HECW1: variants seen among roughly 807,000 people sequenced by gnomAD.
HECW1 encodes HECT, C2 and WW domain containing E3 ubiquitin protein ligase 1.
Under a neutral mutation model 182.3 loss-of-function variants are expected in HECW1, and 61 were observed. The observed-to-expected ratio is 0.33, with a 90% CI of 0.27 to 0.41. The LOEUF (loss-of-function observed/expected upper bound fraction) is 0.41, where lower values mean the gene tolerates loss of function less well. Among genes scored for constraint, HECW1 ranks in the 10% least tolerant of loss-of-function variants. HECW1 has a pLI of 1.00. For synonymous variants in HECW1, 859 were observed against 832.6 expected, an observed-to-expected ratio of 1.03 and a Z score of -0.55; for missense variants, 1,739 against 2,108.9, an observed-to-expected ratio of 0.82 and a Z score of 3.44.
intron 5 of HECW1, among the ~76,000 whole-genome samples, chr7:43,349,918 G>A (rs1185531216): frequency 1.3e-5 from 2 of 152,012 alleles, no homozygotes; most frequent in African/African-American, 2.4e-5. Context: ...CTTTGTTTTT[G>A]TTTTTATGCT....
At position 43,388,361 on chromosome 7, in the gene HECW1, C is replaced by T. The variant is rs76083147; in HGVS notation, c.556-8453C>T. Reference sequence around the variant, plus strand: ...AGGACAAGAACTGCAAATTCAAAAGCTTCCAGGGAGCCAGGTCATTATCAC... The same window carrying T: ...AGGACAAGAACTGCAAATTCAAAAGTTTCCAGGGAGCCAGGTCATTATCAC... On this transcript the variant is annotated intron_variant, in intron 6 of 29. Coordinates refer to ENST00000395891, the MANE Select transcript of HECW1 (RefSeq NM_015052.5). 2.6e-4 allele frequency among the ~76,000 whole-genome samples: 39 copies of T among 152,354 alleles called. No individual in the cohort carries two copies. The East Asian group carries it at 7.1e-3, about 28-fold the overall frequency.
At chr7:43,257,847 T>A (rs1211383950) in intron 3 of HECW1, among the ~76,000 whole-genome samples, 2 of 151,928 alleles carry the variant, frequency 1.3e-5, no homozygotes, top group African/African-American at 4.8e-5. Context: ...CAATTAGAAA[T>A]AAGAAGAAGA....
At chr7:43,404,003 A>G (rs1365411409) in intron 7 of HECW1, among the ~76,000 whole-genome samples, 1 of 152,196 alleles carries the variant, frequency 6.6e-6, no homozygotes, top group East Asian at 1.9e-4. Flanking sequence ...CTTTTGGAAA[A>G]TTCTAGAACT....
chr7:43,360,626 G>A (rs1815747918), intron 5 of HECW1, among the ~76,000 whole-genome samples: 1 of 152,124 alleles, frequency 6.6e-6, no homozygotes, highest in Admixed American at 6.5e-5. Context: ...CCTCTAATGG[G>A]GTAGGATGGA....
chr7:43,452,941 GA>G (rs2077282218), intron 12 of HECW1, among the ~76,000 whole-genome samples: 1 of 152,222 alleles, frequency 6.6e-6, no homozygotes, highest in African/African-American at 2.4e-5. Flanking sequence ...AGGAACAGGA[GA>G]CCAGTGCATC....
At chr7:43,345,826 A>T (rs1172861836) in intron 5 of HECW1, among the ~76,000 whole-genome samples, 4 of 134,322 alleles carry the variant, frequency 3.0e-5, no homozygotes, top group South Asian at 2.3e-4. Flanking sequence ...ACACACACAC[A>T]CATCATATAT....
At chr7:43,461,019 G>A (rs2152892498) in intron 13 of HECW1, among the ~76,000 whole-genome samples, 1 of 152,356 alleles carries the variant, frequency 6.6e-6, no homozygotes, top group Non-Finnish European at 1.5e-5. Context: ...GGAAGGAAAG[G>A]AGAGGCTACA....
At chr7:43,248,165 G>A (rs569335738) in intron 3 of HECW1, among the ~76,000 whole-genome samples, 3 of 151,996 alleles carry the variant, frequency 2.0e-5, no homozygotes, top group Non-Finnish European at 2.9e-5. Context: ...AGAGAGAGGA[G>A]CCCAGAGAGG....
intron 6 of HECW1, among the ~76,000 whole-genome samples, chr7:43,374,554 C>CTAAAAAAAA (rs1196421692): frequency 9.6e-5 from 5 of 51,878 alleles, no homozygotes; most frequent in Admixed American, 1.6e-4. Context: ...GCGGGCGGAT[C>CTAAAAAAAA]ACGAGGTCAG....
chr7:43,310,039 T>C (rs1808302734), intron 3 of HECW1, among the ~76,000 whole-genome samples: 1 of 152,238 alleles, frequency 6.6e-6, no homozygotes, highest in Admixed American at 6.5e-5. Flanking sequence ...GACCCACAGC[T>C]GGGAAGCTGG....
chr7:43,493,221 C>T, intron 19 of HECW1, 41 bp downstream of exon 19: 1 of 1,382,498 alleles, frequency 7.2e-7, no homozygotes, highest in Non-Finnish European at 1.0e-6. Context: ...TAGGTCTTTC[C>T]AGCCATTTTT....
Position 43,450,948 on chromosome 7 carries a change from A to C in HECW1, c.2500+19A>C. Reference sequence around the variant, plus strand: ...CCACCAAGTAAGCTTTAGTTTTTAAAATCTGTGTCTTAACTCTTCCTATCA... The same window carrying C: ...CCACCAAGTAAGCTTTAGTTTTTAACATCTGTGTCTTAACTCTTCCTATCA... On this transcript the variant is annotated intron_variant, in intron 12 of 29. Transcript: ENST00000395891. The C allele has an allele frequency of 2.0e-6, 3 of 1,509,200 alleles. No homozygotes were observed. The highest frequency in any genetic ancestry group is 2.8e-6 in the Non-Finnish European group (3 of 1,085,304). 93.5% of individuals were successfully genotyped at this position (1,509,200 alleles called of 1,614,324 possible).
chr7:43,476,265 C>T (rs2078216991), intron 16 of HECW1, among the ~76,000 whole-genome samples: 1 of 152,118 alleles, frequency 6.6e-6, no homozygotes, highest in African/African-American at 2.4e-5. Flanking sequence ...GGAAAAGATA[C>T]ACTCAGAAGA....
At chr7:43,203,478 T>A (rs897337949) in intron 2 of HECW1, among the ~76,000 whole-genome samples, 2 of 152,140 alleles carry the variant, frequency 1.3e-5, no homozygotes, top group Admixed American at 1.3e-4. Flanking sequence ...TTTTTGTTTT[T>A]TTCTTGCTTG....
intron 8 of HECW1, among the ~76,000 whole-genome samples, chr7:43,416,482 G>T (rs2076002294): frequency 6.6e-6 from 1 of 151,974 alleles, no homozygotes; most frequent in Non-Finnish European, 1.5e-5. Flanking sequence ...CTGTCTTTTT[G>T]TTTGTCTGTG....
chr7:43,166,602 T>G (rs1791148538), intron 2 of HECW1, among the ~76,000 whole-genome samples: 1 of 152,236 alleles, frequency 6.6e-6, no homozygotes, highest in East Asian at 1.9e-4. Flanking sequence ...ACTAAAAAGA[T>G]GTTTTGTTTA....
chr7:43,425,296 TA>T (rs1295446667), intron 8 of HECW1, among the ~76,000 whole-genome samples: 6 of 125,524 alleles, frequency 4.8e-5, no homozygotes, highest in African/African-American at 1.9e-4. Context: ...GGTAGATAGA[TA>T]GATAGATGAT....
intron 2 of HECW1, among the ~76,000 whole-genome samples, chr7:43,213,230 C>T (rs766834843): frequency 2.6e-5 from 4 of 151,734 alleles, no homozygotes; most frequent in East Asian, 1.9e-4. Context: ...AAGTTTTTTA[C>T]GTTCATCAAA....
chr7:43,411,635 T>G (rs979436029), intron 8 of HECW1, among the ~76,000 whole-genome samples: 7 of 152,172 alleles, frequency 4.6e-5, no homozygotes, highest in Non-Finnish European at 8.8e-5. Flanking sequence ...TCTGTCAACT[T>G]TTGTTTCATG....
Sources: allele counts gnomAD v4.1 joint callset (sites outside exome capture counted in the v4.1 genomes callset), GRCh38; gene constraint gnomAD v4.1.1; transcripts MANE v1.5; gene names NCBI Gene and HGNC (gene_info 2026-07-23, HGNC 2026-07-21).